Variants in RPS6KA4 observed in about 807,000 individuals in gnomAD.
RPS6KA4 encodes the protein ribosomal protein S6 kinase A4, also known as ribosomal protein S6 kinase alpha-4.
RPS6KA4 carries 38 observed loss-of-function variants against 89.6 expected under a neutral mutation model. That is an observed-to-expected ratio of 0.42 (90% CI 0.33 to 0.56). RPS6KA4 has a LOEUF of 0.56. Among genes scored for constraint, RPS6KA4 ranks in the 20% least tolerant of loss-of-function variants. The pLI is 0.07. For missense variants in RPS6KA4, 873 were observed against 1,098.8 expected (o/e 0.79, Z 2.90); for synonymous variants, 495 against 492.8 (o/e 1.00, Z -0.06).
Position 64,368,695 on chromosome 11 carries a change from G to A in RPS6KA4, c.1335-9G>A, listed in dbSNP as rs571314600. ...CGGCGACCGTAACTCCTTCTGCTCC[G>A]TCCCCCAGGCTGGAGGCGAACACGC... is the stretch of plus-strand genomic sequence containing the variant. On this transcript the variant is annotated splice_polypyrimidine_tract_variant and intron_variant, in intron 11 of 16. Transcript: ENST00000334205. 1.5e-4 allele frequency: 243 copies of A among 1,576,446 alleles called. No individual in the cohort carries two copies. The South Asian group carries it at 2.6e-3, about 17-fold the overall frequency.
intron 9 of RPS6KA4, among the ~76,000 whole-genome samples, chr11:64,366,182 T>G (rs143680275): frequency 0.29 from 43,586 of 151,004 alleles, 7,761 homozygotes; most frequent in South Asian, 0.38. Flanking sequence ...TTTTTTTTTT[T>G]TTTTTTTGAG....
At position 64,360,260 on chromosome 11, in the gene RPS6KA4, C is replaced by T. The variant is rs1287503595; in HGVS notation, c.225C>T (p.Arg75=). 1.9e-6 allele frequency: 3 copies of T among 1,547,266 alleles called. No individual in the cohort carries two copies. The highest frequency in any genetic ancestry group is 2.0e-5 in the Admixed American group (1 of 50,938). ...KVLRKAALVQ[R]AKTQEHTRTE... The stretch of plus-strand genomic sequence containing the variant: ...TGCGCAAGGCGGCGCTGGTGCAGCG[C>T]GCCAAGACGCAAGAGCACACGCGCA... The change falls in exon 3 of 17, where the codon CGC becomes CGT. Residue 75 remains arginine (R), a synonymous_variant. Coordinates refer to ENST00000334205, the MANE Select transcript of RPS6KA4 (RefSeq NM_003942.3).
In RPS6KA4 at chr11:64,360,227, G is replaced by C; in HGVS notation, c.192G>C (p.Met64Ile). The C allele has an allele frequency of 6.5e-7, 1 of 1,548,320 alleles. No homozygotes were observed. The highest frequency in any genetic ancestry group is 8.7e-7 in the Non-Finnish European group (1 of 1,146,900). ...GGHDAGKLYA[M>I]KVLRKAALVQ... ...ACGACGCGGGGAAGCTGTACGCCATGAAGGTGCTGCGCAAGGCGGCGCTGG... is the reference window on the plus strand; with the variant it reads ...ACGACGCGGGGAAGCTGTACGCCATCAAGGTGCTGCGCAAGGCGGCGCTGG... Residue 64 changes from methionine to isoleucine, a missense_variant, in exon 3 of 17, where the codon ATG becomes ATC. Physicochemically the swap from Met to Ile is conservative, Grantham distance 10 (BLOSUM62 1). Coordinates refer to ENST00000334205, the MANE Select transcript of RPS6KA4 (RefSeq NM_003942.3).
At position 64,368,814 on chromosome 11, in the gene RPS6KA4, AG is replaced by A; in HGVS notation, c.1428+21del. On this transcript the variant is annotated intron_variant, in intron 12 of 16. Coordinates refer to ENST00000334205, the MANE Select transcript of RPS6KA4 (RefSeq NM_003942.3). ...CACGACCAGGTGATGGCTTCCGGCC[AG>A]GGGAGGGCGGAGAGAAAAGGGGCAG... The A allele has an allele frequency of 7.9e-7, 1 of 1,260,542 alleles. No individual in the cohort carries two copies. Among genetic ancestry groups the A allele is most frequent in the Non-Finnish European group, 1.1e-6 (1 of 940,492 alleles). 78.1% of individuals were successfully genotyped at this position (1,260,542 alleles called of 1,614,324 possible).
chr11:64,361,839 C>G lies in RPS6KA4; in HGVS notation c.756-13C>G, dbSNP rs761335771. The G allele has an allele frequency of 6.3e-7, 1 of 1,595,494 alleles. No homozygotes were observed. The highest frequency in any genetic ancestry group is 8.5e-7 in the Non-Finnish European group (1 of 1,173,616). On this transcript the variant is annotated splice_polypyrimidine_tract_variant and intron_variant, in intron 7 of 16. Coordinates refer to ENST00000334205, the MANE Select transcript of RPS6KA4 (RefSeq NM_003942.3). The surrounding 1 kb of genome is among the most constrained non-coding windows in gnomAD (Gnocchi z 4.7). ...GGGGCTTGCTGCCCCTGACACCCCC[C>G]CAATCCTCCCAGACGGATCCTGAAG...
Position 64,370,451 on chromosome 11 carries a change from C to T in RPS6KA4, c.1957+67C>T. On this transcript the variant is annotated intron_variant, in intron 15 of 16. Coordinates refer to ENST00000334205, the MANE Select transcript of RPS6KA4 (RefSeq NM_003942.3). The surrounding 1 kb of genome is among the most constrained non-coding windows in gnomAD (Gnocchi z 4.1). ...CGCTGGGACAGGGATGGTCACTGGG[C>T]CAGGTGTCCTGGTTGGGGATGGGTA... is the stretch of plus-strand genomic sequence containing the variant. 9 of 1,606,284 alleles carry T rather than the reference C, an allele frequency of 5.6e-6. No individual in the cohort carries two copies. Among genetic ancestry groups the T allele is most frequent in the Non-Finnish European group, 7.6e-6 (9 of 1,176,818 alleles).
At chr11:64,369,315 A>AGAAG in intron 12 of RPS6KA4, 131 bp from the exon 13 acceptor site, 1 of 1,104,826 alleles carries the variant, frequency 9.1e-7, no homozygotes, top group South Asian at 1.7e-5. Flanking sequence ...AAAGAAAGAA[A>AGAAG]GAAAAAGGAC....
chr11:64,371,237 C>T (rs762584776), intron 16 of RPS6KA4, 46 bp from the exon 17 acceptor site: 17 of 1,578,590 alleles, frequency 1.1e-5, no homozygotes, highest in African/African-American at 1.4e-5. Flanking sequence ...ATCTGGAAGC[C>T]GGGGTCAGGC....
chr11:64,371,126 AG>A (rs2037059721), intron 16 of RPS6KA4, among the ~76,000 whole-genome samples, 156 bp from the exon 17 acceptor site: 3 of 132,082 alleles, frequency 2.3e-5, no homozygotes, highest in Admixed American at 7.3e-5. Flanking sequence ...AAAAAAAAAA[AG>A]GGAGGTGAAC....
chr11:64,368,613 C>T lies in RPS6KA4; in HGVS notation c.1334+12C>T, dbSNP rs888714671. ...ATCCTCAGTCGCAGGTGGGAGGGCCCAGGCGCGGGCAGGGGTGGGGGTGGC... is the reference window on the plus strand; with the variant it reads ...ATCCTCAGTCGCAGGTGGGAGGGCCTAGGCGCGGGCAGGGGTGGGGGTGGC... On this transcript the variant is annotated intron_variant, in intron 11 of 16. Transcript: ENST00000334205. The T allele has an allele frequency of 1.3e-6, 2 of 1,591,328 alleles. No homozygotes were observed. Among genetic ancestry groups the T allele is most frequent in the Non-Finnish European group, 1.7e-6 (2 of 1,171,506 alleles).
intron 12 of RPS6KA4, 134 bp downstream of exon 12, chr11:64,368,931 G>A: frequency 1.2e-6 from 1 of 821,864 alleles, no homozygotes. Context: ...GACCAGGGAG[G>A]CGCAGGGAGT....
Position 64,362,014 on chromosome 11 carries a change from T to G in RPS6KA4, c.906+12T>G, listed in dbSNP as rs1263132551. The G allele has an allele frequency of 6.2e-7, 1 of 1,605,730 alleles. No individual in the cohort carries two copies. Among genetic ancestry groups the G allele is most frequent in the Admixed American group, 1.7e-5 (1 of 57,420 alleles). On this transcript the variant is annotated intron_variant, in intron 8 of 16. Coordinates refer to ENST00000334205, the MANE Select transcript of RPS6KA4 (RefSeq NM_003942.3). ...ATCCCTTCTTCCAGGTGAGGCTGAC[T>G]CAGGGCCCCATACCTCCTGGTGCAT... is the stretch of plus-strand genomic sequence containing the variant.
chr11:64,370,999 G>A lies in RPS6KA4; in HGVS notation c.2121+273G>A, dbSNP rs2037055008. On this transcript the variant is annotated intron_variant, in intron 16 of 16. Coordinates refer to ENST00000334205, the MANE Select transcript of RPS6KA4 (RefSeq NM_003942.3). This position sits in a 1 kb window ranked among gnomAD's most constrained non-coding sequence, Gnocchi z 4.1. ...CGCGCCTGTAATCCCAGCTACTCAG[G>A]AGGCTGAGGCAGGAGAATCTCTTGA... 1.3e-5 allele frequency among the ~76,000 whole-genome samples: 2 copies of A among 151,736 alleles called. No individual in the cohort carries two copies. Among genetic ancestry groups the A allele is most frequent in the Non-Finnish European group, 2.9e-5 (2 of 67,954 alleles).
rs1373979853 is a variant in RPS6KA4, at chr11:64,361,744, C to T, written c.754C>T (p.Arg252Ter). 1.9e-6 allele frequency: 3 copies of T among 1,602,142 alleles called. No homozygotes were observed. The highest frequency in any genetic ancestry group is 1.7e-6 in the Non-Finnish European group (2 of 1,175,536). Residue 252 changes from arginine to a stop codon, truncating the protein, a stop_gained and splice_region_variant, in exon 7 of 17, where the codon CGA (arginine) becomes TGA (stop). Transcript: ENST00000334205. LOFTEE classifies it high-confidence loss of function. This position sits in a 1 kb window ranked among gnomAD's most constrained non-coding sequence, Gnocchi z 4.7. ...GAGGAACACGCAGGCTGAGGTGTCTCGGTGAGTAGGGCTGGACGTGGAGGG... is the reference window on the plus strand; with the variant it reads ...GAGGAACACGCAGGCTGAGGTGTCTTGGTGAGTAGGGCTGGACGTGGAGGG... The part of the protein sequence containing the change: ...GERNTQAEVS[R>*]RILKCSPPFP...
chr11:64,371,943 G>A lies in RPS6KA4; in HGVS notation c.*463G>A, dbSNP rs556065686. 6.5e-6 allele frequency: 1 copy of A among 153,782 alleles called. No individual in the cohort carries two copies. The highest frequency in any genetic ancestry group is 1.9e-4 in the East Asian group (1 of 5,350). 9.5% of individuals were successfully genotyped at this position (153,782 alleles called of 1,614,324 possible). Reference sequence around the variant, plus strand: ...ACGTCCACCAAAGACCCGTGTTGGGGGTACTGAAGGAGAGGCCCTGGGGGA... The same window carrying A: ...ACGTCCACCAAAGACCCGTGTTGGGAGTACTGAAGGAGAGGCCCTGGGGGA... On this transcript the variant is annotated 3_prime_UTR_variant, in exon 17 of 17. Coordinates refer to ENST00000334205, the MANE Select transcript of RPS6KA4 (RefSeq NM_003942.3).
chr11:64,365,222 G>C, intron 8 of RPS6KA4, 79 bp from the exon 9 acceptor site: 1 of 1,522,568 alleles, frequency 6.6e-7, no homozygotes, highest in South Asian at 1.2e-5. Flanking sequence ...TGGAGGAACT[G>C]CCCAGTGAGG....
At position 64,360,567 on chromosome 11, in the gene RPS6KA4, T is replaced by C. The variant is rs1364367548; in HGVS notation, c.437T>C (p.Val146Ala). 1 of 1,610,492 alleles carries C rather than the reference T, an allele frequency of 6.2e-7. No homozygotes were observed. The highest frequency in any genetic ancestry group is 1.7e-5 in the Admixed American group (1 of 59,596). The change falls in exon 4 of 17, where the codon GTG (valine) becomes GCG (alanine). Residue 146 changes from valine to alanine, a missense_variant. Val to Ala is a moderately conservative substitution (Grantham distance 64). Around this residue, in one of 4 missense-constraint regions of RPS6KA4, gnomAD observed 542 missense variants for 736.4 expected, o/e 0.74. Coordinates refer to ENST00000334205, the MANE Select transcript of RPS6KA4 (RefSeq NM_003942.3). The part of the protein sequence containing the change: ...AEVRVYGGEI[V>A]LALEHLHKLG... ...GTGCGCGTGTATGGGGGTGAGATCGTGCTGGCCCTGGAACACCTGCACAAG... is the reference window on the plus strand; with the variant it reads ...GTGCGCGTGTATGGGGGTGAGATCGCGCTGGCCCTGGAACACCTGCACAAG...
At chr11:64,366,337 A>G (rs1227132456) in intron 9 of RPS6KA4, among the ~76,000 whole-genome samples, 2 of 151,990 alleles carry the variant, frequency 1.3e-5, no homozygotes, top group Non-Finnish European at 2.9e-5. Flanking sequence ...CACCCAGCTA[A>G]TTTTTGTATT....
Position 64,370,293 on chromosome 11 carries a change from C to T in RPS6KA4, c.1866C>T (p.Ala622=), listed in dbSNP as rs769565998. ...ASGQGGQSQA[A]EIMCKIREGR... ...GCCAGGGCGGGCAGAGCCAGGCGGC[C>T]GAGATCATGTGCAAAATCCGCGAGG... The change falls in exon 15 of 17, where the codon GCC becomes GCT. Residue 622 remains alanine, a synonymous_variant. Transcript: ENST00000334205. The surrounding 1 kb of genome is among the most constrained non-coding windows in gnomAD (Gnocchi z 4.1). 3.1e-6 allele frequency: 5 copies of T among 1,591,006 alleles called. No homozygotes were observed. The African/African-American group carries it at 5.5e-5, about 17-fold the overall frequency.
Sources: gnomAD v4.1 joint callset for allele counts (sites outside exome capture counted in the v4.1 genomes callset) on GRCh38, gnomAD v4.1.1 for gene constraint, gnomAD v4.1.1 regional missense constraint, Gnocchi (gnomAD v3.1) non-coding constraint, MANE v1.5 for transcripts, NCBI Gene and HGNC (gene_info 2026-07-23, HGNC 2026-07-21) for gene names.